The following NLGN1 variants were observed in gnomAD, a reference collection of about 807,000 sequenced individuals.
NLGN1 encodes the protein neuroligin-1.
Under a neutral mutation model 65.5 loss-of-function variants are expected in NLGN1, and 12 were observed. The ratio of observed to expected loss-of-function variants is 0.18; its 90% CI spans 0.12 to 0.30. The LOEUF (loss-of-function observed/expected upper bound fraction) is 0.30, where lower values mean the gene tolerates loss of function less well. NLGN1 is among the 10% of genes least tolerant of loss of function. The pLI is 1.00. For synonymous variants in NLGN1, 350 were observed against 359.5 expected, an observed-to-expected ratio of 0.97 and a Z score of 0.30; for missense variants, 750 against 1,007.1, an observed-to-expected ratio of 0.74 and a Z score of 3.46.
At chr3:173,720,007 T>C (rs1375156274) in intron 3 of NLGN1, among the ~76,000 whole-genome samples, 1 of 152,042 alleles carries the variant, frequency 6.6e-6, no homozygotes, top group Non-Finnish European at 1.5e-5. Context: ...CCAGCTACTT[T>C]GAATGTTGAG....
intron 2 of NLGN1, among the ~76,000 whole-genome samples, chr3:173,524,891 C>G (rs1353795424): frequency 1.3e-5 from 2 of 152,076 alleles, no homozygotes; most frequent in African/African-American, 4.8e-5. Context: ...TGTGAACCAT[C>G]CTTGCATTCC....
intron 3 of NLGN1, among the ~76,000 whole-genome samples, chr3:173,745,017 T>C (rs1775164061): frequency 6.6e-6 from 1 of 152,118 alleles, no homozygotes; most frequent in Admixed American, 6.6e-5. Context: ...GAGGTACTGT[T>C]GGATCCATGA....
chr3:174,235,640 T>A (rs1348609637), intron 4 of NLGN1, among the ~76,000 whole-genome samples: 1 of 152,146 alleles, frequency 6.6e-6, no homozygotes, highest in Non-Finnish European at 1.5e-5. Context: ...TGATATTATT[T>A]TATCTATTTA....
At chr3:173,864,671 G>A (rs9823377) in intron 4 of NLGN1, among the ~76,000 whole-genome samples, 4,440 of 152,148 alleles carry the variant, frequency 0.029, 140 homozygotes, top group African/African-American at 0.071. Flanking sequence ...TTAAATTTAC[G>A]TTCTGTTTAT....
chr3:173,783,758 G>A (rs567210722), intron 3 of NLGN1, among the ~76,000 whole-genome samples: 7 of 152,256 alleles, frequency 4.6e-5, no homozygotes, highest in African/African-American at 9.6e-5. Context: ...GAGATTACAG[G>A]CATCCATGAC....
chr3:173,847,812 CAGT>C (rs1340393629), intron 4 of NLGN1, among the ~76,000 whole-genome samples: 1 of 152,026 alleles, frequency 6.6e-6, no homozygotes, highest in Non-Finnish European at 1.5e-5. Flanking sequence ...GCAGAGGTTG[CAGT>C]GAACCAAGAT....
intron 4 of NLGN1, among the ~76,000 whole-genome samples, chr3:174,050,884 G>A (rs78056222): frequency 0.01 from 1,586 of 152,192 alleles, 21 homozygotes; most frequent in Non-Finnish European, 0.017. Context: ...ACTTGTGTCT[G>A]TTTGTCTGGC....
chr3:173,443,827 T>G (rs538900697), intron 2 of NLGN1, among the ~76,000 whole-genome samples: 1 of 152,310 alleles, frequency 6.6e-6, no homozygotes, highest in East Asian at 1.9e-4. Flanking sequence ...GGAATCATAT[T>G]TTTCAAGGTA....
intron 4 of NLGN1, among the ~76,000 whole-genome samples, chr3:174,077,553 TTTTA>T (rs1382905305): frequency 6.7e-6 from 1 of 149,796 alleles, no homozygotes; most frequent in East Asian, 2.0e-4. Flanking sequence ...TTTCTTTTCT[TTTTA>T]TTTATTTATT....
At chr3:174,155,939 C>T (rs1178243558) in intron 4 of NLGN1, among the ~76,000 whole-genome samples, 1 of 151,830 alleles carries the variant, frequency 6.6e-6, no homozygotes, top group Non-Finnish European at 1.5e-5. Flanking sequence ...TTTCTGTCTT[C>T]ATTTATAATC....
chr3:174,194,018 C>T lies in NLGN1; in HGVS notation c.647-81297C>T, dbSNP rs114380848. Among the ~76,000 whole-genome samples the T allele has an allele frequency of 3.1e-3, 468 of 152,156 alleles. 1 individual carries two copies. The highest frequency in any genetic ancestry group is 9.8e-3 in the African/African-American group (405 of 41,514). ...AAGGGAACACCATAGCATACCATTG[C>T]TAAATGGTGTTTTCATTCACTAGAT... On this transcript the variant is annotated intron_variant, in intron 4 of 6. Transcript: ENST00000457714.
intron 4 of NLGN1, among the ~76,000 whole-genome samples, chr3:174,052,548 A>G (rs531589054): frequency 1.2e-3 from 179 of 152,120 alleles, no homozygotes; most frequent in African/African-American, 4.1e-3. Context: ...TTATACTTCA[A>G]TGCACTGAAT....
chr3:173,571,521 C>G (rs558968159), intron 2 of NLGN1, among the ~76,000 whole-genome samples: 15 of 152,138 alleles, frequency 9.9e-5, no homozygotes, highest in Non-Finnish European at 1.8e-4. Flanking sequence ...AATCTCTGTA[C>G]TGGACAATTT....
chr3:173,863,490 C>T (rs1729542646), intron 4 of NLGN1, among the ~76,000 whole-genome samples: 1 of 151,966 alleles, frequency 6.6e-6, no homozygotes, highest in African/African-American at 2.4e-5. Context: ...TTTTAGTGTG[C>T]GTATATAATG....
chr3:173,825,167 A>G (rs1721093725), intron 4 of NLGN1, among the ~76,000 whole-genome samples: 1 of 152,046 alleles, frequency 6.6e-6, no homozygotes, highest in Admixed American at 6.6e-5. Context: ...CTTTATAAGA[A>G]TTCAGGTTAT....
chr3:173,681,790 C>G (rs569137823), intron 3 of NLGN1, among the ~76,000 whole-genome samples: 20 of 152,150 alleles, frequency 1.3e-4, no homozygotes, highest in Admixed American at 2.6e-4. Flanking sequence ...GGGATATTAT[C>G]AAATTGAATG....
At chr3:174,093,065 G>T (rs895654229) in intron 4 of NLGN1, among the ~76,000 whole-genome samples, 1 of 152,094 alleles carries the variant, frequency 6.6e-6, no homozygotes, top group Admixed American at 6.5e-5. Context: ...AAACTCTCGG[G>T]TCACTTTAAA....
chr3:173,577,629 A>G (rs190235899), intron 2 of NLGN1, among the ~76,000 whole-genome samples: 3 of 152,362 alleles, frequency 2.0e-5, no homozygotes, highest in Admixed American at 2.0e-4. Flanking sequence ...ACAATTTCTT[A>G]TGCATTGAAT....
At chr3:173,581,852 A>G (rs145682213) in intron 2 of NLGN1, among the ~76,000 whole-genome samples, 1 of 152,124 alleles carries the variant, frequency 6.6e-6, no homozygotes, top group East Asian at 1.9e-4. Flanking sequence ...CAATTTATAT[A>G]GTAATATTGT....
Sources: allele counts gnomAD v4.1 joint callset (sites outside exome capture counted in the v4.1 genomes callset), GRCh38; gene constraint gnomAD v4.1.1; transcripts MANE v1.5; gene names NCBI Gene and HGNC (gene_info 2026-07-23, HGNC 2026-07-21).